LRRIQ1: variants seen among roughly 807,000 people sequenced by gnomAD.
The protein encoded by LRRIQ1 is leucine rich repeats and IQ motif containing 1.
A neutral mutation model predicts 211.9 loss-of-function variants in LRRIQ1; 210 were observed. The observed-to-expected ratio is 0.99, with a 90% CI of 0.89 to 1.11. LRRIQ1 has a LOEUF of 1.11. LRRIQ1 is among the 50% of genes most tolerant of loss of function. The probability of loss-of-function intolerance (pLI) is 0.00; values close to 1 mark genes in which losing one functional copy is unlikely to be tolerated. For synonymous variants in LRRIQ1, 699 were observed against 650.1 expected (o/e 1.08, Z -1.14); for missense variants, 2,136 against 1,939.5 (o/e 1.10, Z -1.90).
chr12:85,105,887 C>T (rs148788301), intron 14 of LRRIQ1, among the ~76,000 whole-genome samples: 1 of 149,080 alleles, frequency 6.7e-6, no homozygotes, highest in Non-Finnish European at 1.5e-5. Context: ...ACCTCCATCT[C>T]CCGGGTTCAA....
intron 11 of LRRIQ1, among the ~76,000 whole-genome samples, chr12:85,090,516 C>G (rs1165546160): frequency 6.6e-6 from 1 of 152,166 alleles, no homozygotes; most frequent in Non-Finnish European, 1.5e-5. Context: ...GGAAGTCCAA[C>G]CCTTACAGCA....
intron 11 of LRRIQ1, among the ~76,000 whole-genome samples, chr12:85,085,091 A>C (rs772108462): frequency 1.2e-4 from 19 of 152,150 alleles, no homozygotes; most frequent in Non-Finnish European, 2.2e-4. Flanking sequence ...AAGATGAGAC[A>C]TAGTATTTGT....
At chr12:85,119,763 A>G (rs1207434592) in intron 15 of LRRIQ1, among the ~76,000 whole-genome samples, 3 of 152,116 alleles carry the variant, frequency 2.0e-5, no homozygotes, top group Non-Finnish European at 4.4e-5. Flanking sequence ...CAATTTTCTA[A>G]TGAATATCAT....
chr12:85,121,118 C>T (rs939342595), intron 15 of LRRIQ1, among the ~76,000 whole-genome samples: 2 of 151,928 alleles, frequency 1.3e-5, no homozygotes, highest in African/African-American at 2.4e-5. Flanking sequence ...CAGGTGCGCA[C>T]CACCAAAAAT....
intron 18 of LRRIQ1, among the ~76,000 whole-genome samples, chr12:85,131,240 G>A (rs1450698614): frequency 6.6e-6 from 1 of 151,078 alleles, no homozygotes; most frequent in Non-Finnish European, 1.5e-5. Flanking sequence ...TTCAATGGTA[G>A]ATTTGTGCAT....
intron 24 of LRRIQ1, among the ~76,000 whole-genome samples, chr12:85,194,943 A>C (rs1892814554): frequency 6.6e-6 from 1 of 152,148 alleles, no homozygotes; most frequent in African/African-American, 2.4e-5. Context: ...AATAAAGAAA[A>C]AACAGAGAGA....
chr12:85,198,085 AT>A, intron 24 of LRRIQ1, among the ~76,000 whole-genome samples: 15 of 106,336 alleles, frequency 1.4e-4, no homozygotes, highest in African/African-American at 6.0e-4. Context: ...TATATAATTT[AT>A]TATATTATAT....
At chr12:85,137,181 C>T (rs1368154493) in intron 18 of LRRIQ1, among the ~76,000 whole-genome samples, 1 of 150,924 alleles carries the variant, frequency 6.6e-6, no homozygotes, top group Non-Finnish European at 1.5e-5. Context: ...ACATAAAAAA[C>T]ACTTATTTCT....
intron 1 of LRRIQ1, among the ~76,000 whole-genome samples, chr12:85,253,691 A>C (rs1213025565): frequency 6.6e-6 from 1 of 152,068 alleles, no homozygotes; most frequent in Non-Finnish European, 1.5e-5. Flanking sequence ...AGTTCAATAG[A>C]TTAGACACAC....
At chr12:85,164,165 A>G (rs1359385722) in intron 24 of LRRIQ1, among the ~76,000 whole-genome samples, 1 of 152,130 alleles carries the variant, frequency 6.6e-6, no homozygotes, top group African/African-American at 2.4e-5. Context: ...TTTCTTGGTT[A>G]TTGCCTTAAA....
At chr12:85,263,980 T>A (rs1305048173) in exon 2 of LRRIQ1, 1 of 151,998 alleles carries the variant, frequency 6.6e-6, no homozygotes, top group Non-Finnish European at 1.5e-5. Flanking sequence ...GTCTGGAACT[T>A]TTTTCATAAA....
chr12:85,056,360 G>C lies in LRRIQ1; in HGVS notation c.1567G>C (p.Glu523Gln). 6.3e-7 allele frequency: 1 copy of C among 1,591,902 alleles called. No individual in the cohort carries two copies. The highest frequency in any genetic ancestry group is 8.5e-7 in the Non-Finnish European group (1 of 1,174,270). ...GNSDLKGNLK[E>Q]QFPLQELKSD... ...CTCTGATCTAAAAGGAAATCTGAAA[G>C]AACAGTTTCCATTGCAAGAATTAAA... Residue 523 changes from glutamate (E) to glutamine (Q), a missense_variant, in exon 8 of 27, where the codon GAA (glutamate) becomes CAA (glutamine). Transcript: ENST00000393217.
chr12:85,045,423 A>G lies in LRRIQ1; in HGVS notation c.337-597A>G, dbSNP rs189196578. Among the ~76,000 whole-genome samples the G allele has an allele frequency of 5.4e-3, 816 of 151,842 alleles. 32 individuals carry two copies. The highest frequency in any genetic ancestry group is 0.049 in the Admixed American group (747 of 15,246). On this transcript the variant is annotated intron_variant, in intron 4 of 26. Coordinates refer to ENST00000393217, the MANE Select transcript of LRRIQ1 (RefSeq NM_001079910.2). ...TTAACATAATTTGAAAATTTCTTAT[A>G]TATCTCATTCTTTTTTAATGTTTTA...
At position 85,245,071 on chromosome 12, in the gene LRRIQ1, T is replaced by G; in HGVS notation, c.*130T>G. ...TTTTCTTTCTTTAAATATCCTCTTT[T>G]GATATAAACAAAATTAAATTATTTC... On this transcript the variant is annotated 3_prime_UTR_variant, in exon 27 of 27. Transcript: ENST00000393217. 1 of 1,333,840 alleles carries G rather than the reference T, an allele frequency of 7.5e-7. No homozygotes were observed. The highest frequency in any genetic ancestry group is 2.5e-4 in the Middle Eastern group (1 of 3,992). 82.6% of individuals were successfully genotyped at this position (1,333,840 alleles called of 1,614,324 possible).
In LRRIQ1 at chr12:85,044,796, A is replaced by T. The variant is rs113363639; in HGVS notation, c.323A>T (p.Glu108Val). Reference protein sequence around the residue: ...GLSTEYEESSEQLIKILSEIE... With the variant: ...GLSTEYEESSVQLIKILSEIE... ...TCAACTGAATATGAAGAAAGTTCAG[A>T]GCAATTAATTAAGGTATATATTCAA... Residue 108 changes from glutamate (E) to valine (V), a missense_variant, in exon 4 of 27, where the codon GAG becomes GTG. By Grantham distance (121) the Glu-to-Val change is moderately radical. Transcript: ENST00000393217. The T allele has an allele frequency of 1.4e-6, 2 of 1,470,720 alleles. No individual in the cohort carries two copies. The highest frequency in any genetic ancestry group is 1.9e-6 in the Non-Finnish European group (2 of 1,056,380). The allele number at this position is 1,470,720 out of a possible 1,614,324, so 91.1% of individuals were successfully genotyped here.
chr12:85,081,267 C>G (rs56831626), intron 11 of LRRIQ1, among the ~76,000 whole-genome samples: 1 of 152,054 alleles, frequency 6.6e-6, no homozygotes, highest in Non-Finnish European at 1.5e-5. Flanking sequence ...CCGTATGATT[C>G]GGTAGTACCA....
chr12:85,041,581 ATTTAATATGT>A (rs1267706688), intron 3 of LRRIQ1, among the ~76,000 whole-genome samples: 1 of 151,656 alleles, frequency 6.6e-6, no homozygotes, highest in African/African-American at 2.4e-5. Flanking sequence ...CACTGAGTGG[ATTTAATATGT>A]TTGAATAACA....
intron 23 of LRRIQ1, among the ~76,000 whole-genome samples, chr12:85,155,073 A>T (rs1440183122): frequency 6.6e-6 from 1 of 151,512 alleles, no homozygotes; most frequent in Non-Finnish European, 1.5e-5. Flanking sequence ...TTTTCAAGGA[A>T]TAACTGATAT....
rs1879749752 is a variant in LRRIQ1, at chr12:85,047,429, C to T, written c.637C>T (p.Gln213Ter). 1 of 1,613,022 alleles carries T rather than the reference C, an allele frequency of 6.2e-7. No individual in the cohort carries two copies. Among genetic ancestry groups the T allele is most frequent in the Non-Finnish European group, 8.5e-7 (1 of 1,179,464 alleles). The change falls in exon 6 of 27, where the codon CAA (glutamine) becomes TAA (stop). Residue 213 changes from glutamine to a stop codon, truncating the protein, a stop_gained. Transcript: ENST00000393217. LOFTEE classifies it high-confidence loss of function. ...EEEKRHCWMK[Q>*]FKVEKKKLEN... The stretch of plus-strand genomic sequence containing the variant: ...AGAAAAGCGACATTGCTGGATGAAA[C>T]AATTTAAAGTTGAAAAGAAGAAATT...
Sources: allele counts gnomAD v4.1 joint callset (sites outside exome capture counted in the v4.1 genomes callset), GRCh38; gene constraint gnomAD v4.1.1; transcripts MANE v1.5; gene names NCBI Gene and HGNC (gene_info 2026-07-23, HGNC 2026-07-21).